The following SPOCK1 variants were observed in gnomAD, a reference collection of about 807,000 sequenced individuals.
SPOCK1 encodes SPARC (osteonectin), cwcv and kazal like domains proteoglycan 1.
A neutral mutation model predicts 55.3 loss-of-function variants in SPOCK1; 23 were observed. The ratio of observed to expected loss-of-function variants is 0.42; its 90% CI spans 0.30 to 0.59. The LOEUF (loss-of-function observed/expected upper bound fraction) is 0.59, where lower values mean the gene tolerates loss of function less well. SPOCK1 is among the 20% of genes least tolerant of loss of function. The pLI, the probability that SPOCK1 is intolerant of heterozygous loss-of-function variation, is 0.22. For synonymous variants in SPOCK1, 226 were observed against 221.0 expected (o/e 1.02, Z -0.20); for missense variants, 499 against 552.5 (o/e 0.90, Z 0.97).
At chr5:137,230,992 T>C (rs1756043162) in intron 3 of SPOCK1, among the ~76,000 whole-genome samples, 1 of 152,172 alleles carries the variant, frequency 6.6e-6, no homozygotes, top group African/African-American at 2.4e-5. Context: ...CTGTATCCAC[T>C]ACCATGGTCA....
rs569394338 is a variant in SPOCK1, at chr5:137,283,314, G to C, written c.187-16259C>G. 2.0e-5 allele frequency among the ~76,000 whole-genome samples: 3 copies of C among 152,320 alleles called. No individual in the cohort carries two copies. The East Asian group carries it at 5.8e-4, about 29-fold the overall frequency. The stretch of plus-strand genomic sequence containing the variant: ...CTCCCAGTTCACTCACATGTTATAA[G>C]TGATCCAAGCCTGAAGTGACAAACT... On this transcript the variant is annotated intron_variant, in intron 2 of 10. Coordinates refer to ENST00000394945, the MANE Select transcript of SPOCK1 (RefSeq NM_004598.4).
At chr5:137,464,665 T>C (rs1374872061) in intron 2 of SPOCK1, among the ~76,000 whole-genome samples, 2 of 151,864 alleles carry the variant, frequency 1.3e-5, no homozygotes, top group African/African-American at 2.4e-5. Flanking sequence ...CTCACCACAA[T>C]GAGAAGCAAG....
intron 6 of SPOCK1, among the ~76,000 whole-genome samples, chr5:137,018,282 G>C (rs1422017587): frequency 6.6e-6 from 1 of 152,224 alleles, no homozygotes; most frequent in Non-Finnish European, 1.5e-5. Context: ...TGGAAGATAT[G>C]ACTAAGTGGG....
At chr5:137,364,705 C>T (rs1751020713) in intron 2 of SPOCK1, among the ~76,000 whole-genome samples, 1 of 152,270 alleles carries the variant, frequency 6.6e-6, no homozygotes, top group East Asian at 1.9e-4. Flanking sequence ...TGGGACAGTG[C>T]CCAATACTCA....
chr5:137,064,735 T>A (rs983776316), intron 6 of SPOCK1, among the ~76,000 whole-genome samples: 1 of 152,206 alleles, frequency 6.6e-6, no homozygotes, highest in African/African-American at 2.4e-5. Flanking sequence ...CCCTGTTGCC[T>A]GTCATAAATT....
intron 3 of SPOCK1, among the ~76,000 whole-genome samples, chr5:137,179,287 C>A (rs2127063224): frequency 6.6e-6 from 1 of 152,294 alleles, no homozygotes; most frequent in Non-Finnish European, 1.5e-5. Context: ...AATAAAGGCA[C>A]CAGCTCTGAA....
intron 2 of SPOCK1, among the ~76,000 whole-genome samples, chr5:137,352,394 T>G (rs1174036176): frequency 9.9e-5 from 15 of 152,264 alleles, no homozygotes; most frequent in Non-Finnish European, 5.9e-5. Flanking sequence ...AGGCACACCG[T>G]GCCTCACCTC....
intron 4 of SPOCK1, among the ~76,000 whole-genome samples, chr5:137,123,518 C>A (rs948098443): frequency 1.3e-5 from 2 of 152,168 alleles, no homozygotes; most frequent in Admixed American, 1.3e-4. Flanking sequence ...AGACAAGATG[C>A]TCAAAATTGT....
In SPOCK1 at chr5:137,255,190, C is replaced by T. The variant is rs1011502995; in HGVS notation, c.232+11820G>A. On this transcript the variant is annotated intron_variant, in intron 3 of 10. Coordinates refer to ENST00000394945, the MANE Select transcript of SPOCK1 (RefSeq NM_004598.4). ...TGGGGTATTCACTGCTAGATACTGG[C>T]GGGAACACGGGCCACCCTGACAAAC... Among the ~76,000 whole-genome samples, 9 of 152,172 alleles carry T rather than the reference C, an allele frequency of 5.9e-5. No individual in the cohort carries two copies. The South Asian group carries it at 1.7e-3, about 28-fold the overall frequency.
At chr5:137,212,252 TGGTGACTAAA>T (rs1225955865) in intron 3 of SPOCK1, among the ~76,000 whole-genome samples, 1 of 152,050 alleles carries the variant, frequency 6.6e-6, no homozygotes, top group African/African-American at 2.4e-5. Context: ...TCACATATTG[TGGTGACTAAA>T]GGTGAGTTAT....
At chr5:137,269,859 T>C (rs1756926842) in intron 2 of SPOCK1, among the ~76,000 whole-genome samples, 1 of 151,938 alleles carries the variant, frequency 6.6e-6, no homozygotes, top group Non-Finnish European at 1.5e-5. Flanking sequence ...ACCCTACCAA[T>C]ACCAAGGCTG....
At chr5:137,247,287 C>T (rs949707793) in intron 3 of SPOCK1, among the ~76,000 whole-genome samples, 1 of 152,042 alleles carries the variant, frequency 6.6e-6, no homozygotes, top group Non-Finnish European at 1.5e-5. Flanking sequence ...AGTTCTTGCA[C>T]CGAGAGCTGG....
intron 3 of SPOCK1, among the ~76,000 whole-genome samples, chr5:137,203,634 G>A (rs1010934943): frequency 6.6e-6 from 1 of 152,152 alleles, no homozygotes; most frequent in Admixed American, 6.5e-5. Context: ...TTAGCTAAAT[G>A]AGAAAATCAT....
At chr5:137,268,561 T>C (rs2961623) in intron 2 of SPOCK1, among the ~76,000 whole-genome samples, 103,390 of 152,100 alleles carry the variant, frequency 0.68, 35,663 homozygotes, top group African/African-American at 0.77. Context: ...TGTTAAATGA[T>C]ATTAAGTTAA....
chr5:137,132,671 T>C lies in SPOCK1; in HGVS notation c.347+7909A>G, dbSNP rs186857330. ...TCTGAGCATGTGCACATCCTGGGAA[T>C]TCAACCATAAAACATTCTCCATCTC... On this transcript the variant is annotated intron_variant, in intron 4 of 10. Transcript: ENST00000394945. Among the ~76,000 whole-genome samples, 20 of 152,330 alleles carry C rather than the reference T, an allele frequency of 1.3e-4. No homozygotes were observed. The East Asian group carries it at 3.1e-3, about 23-fold the overall frequency.
chr5:137,013,924 G>C (rs531924399), intron 6 of SPOCK1, among the ~76,000 whole-genome samples: 49 of 152,238 alleles, frequency 3.2e-4, no homozygotes, highest in African/African-American at 1.1e-3. Context: ...TGGAGACAGT[G>C]GGGGCGCATC....
chr5:137,370,273 T>C (rs1413426050), intron 2 of SPOCK1, among the ~76,000 whole-genome samples: 12 of 152,150 alleles, frequency 7.9e-5, no homozygotes, highest in Non-Finnish European at 8.8e-5. Flanking sequence ...GAGATGTGAT[T>C]ACATGCTGAG....
intron 4 of SPOCK1, among the ~76,000 whole-genome samples, chr5:137,115,511 C>T (rs1023389651): frequency 1.3e-5 from 2 of 152,170 alleles, no homozygotes; most frequent in Non-Finnish European, 2.9e-5. Context: ...AAACATTGTT[C>T]CTGGCTCTAT....
chr5:137,016,696 C>A (rs1470719886), intron 6 of SPOCK1, among the ~76,000 whole-genome samples: 1 of 152,172 alleles, frequency 6.6e-6, no homozygotes, highest in Non-Finnish European at 1.5e-5. Context: ...CGGAAGGAAA[C>A]AAACAACCCA....
Sources: allele counts gnomAD v4.1 joint callset (sites outside exome capture counted in the v4.1 genomes callset), GRCh38; gene constraint gnomAD v4.1.1; transcripts MANE v1.5; gene names NCBI Gene and HGNC (gene_info 2026-07-23, HGNC 2026-07-21).